ADGRB3: variants seen among roughly 807,000 people sequenced by gnomAD.
ADGRB3 encodes the protein brain-specific angiogenesis inhibitor 3.
In ADGRB3, 37 loss-of-function variants were observed where a neutral mutation model predicts 193.4. That is an observed-to-expected ratio of 0.19 (90% CI 0.15 to 0.25). ADGRB3 has a LOEUF of 0.25. Ranked by LOEUF, ADGRB3 falls within the 10% of genes least tolerant of loss-of-function variation. The probability of loss-of-function intolerance (pLI) is 1.00; values close to 1 mark genes in which losing one functional copy is unlikely to be tolerated. For missense variants in ADGRB3, 1,637 were observed against 1,852.9 expected (o/e 0.88, Z 2.14); for synonymous variants, 690 against 644.2 (o/e 1.07, Z -1.08).
At chr6:68,885,379 G>A (rs1562071294) in intron 3 of ADGRB3, among the ~76,000 whole-genome samples, 1 of 152,030 alleles carries the variant, frequency 6.6e-6, no homozygotes, top group African/African-American at 2.4e-5. Flanking sequence ...AACATATTAT[G>A]TATTTATGGG....
At chr6:69,283,001 GC>G (rs1285566043) in intron 20 of ADGRB3, among the ~76,000 whole-genome samples, 1 of 152,066 alleles carries the variant, frequency 6.6e-6, no homozygotes, top group Non-Finnish European at 1.5e-5. Context: ...AAAGAGATGG[GC>G]CATGAGGAAG....
intron 20 of ADGRB3, among the ~76,000 whole-genome samples, chr6:69,298,023 A>G (rs1420515863): frequency 6.6e-6 from 1 of 152,086 alleles, no homozygotes; most frequent in Non-Finnish European, 1.5e-5. Context: ...TATTAGAGTA[A>G]CATAAAAACG....
At chr6:69,301,011 T>G (rs1582616861) in intron 20 of ADGRB3, among the ~76,000 whole-genome samples, 1 of 151,774 alleles carries the variant, frequency 6.6e-6, no homozygotes, top group East Asian at 1.9e-4. Context: ...TTGAACAACA[T>G]GAGTTGGAAC....
intron 3 of ADGRB3, among the ~76,000 whole-genome samples, chr6:68,908,165 T>A (rs1014155126): frequency 6.6e-6 from 1 of 152,130 alleles, no homozygotes; most frequent in Admixed American, 6.5e-5. Flanking sequence ...TATCTCTTCA[T>A]TGAATTTGCT....
chr6:68,689,988 CT>C (rs1480202400), intron 3 of ADGRB3, among the ~76,000 whole-genome samples: 1 of 152,146 alleles, frequency 6.6e-6, no homozygotes, highest in East Asian at 1.9e-4. Flanking sequence ...CTGGAAACCA[CT>C]TTCTCTTTAG....
At chr6:68,711,552 G>T (rs1398343745) in intron 3 of ADGRB3, among the ~76,000 whole-genome samples, 4 of 152,032 alleles carry the variant, frequency 2.6e-5, no homozygotes, top group Admixed American at 2.0e-4. Flanking sequence ...CTGCATAAAT[G>T]GTCCTCTGCC....
chr6:69,281,838 T>G (rs1024332293), intron 20 of ADGRB3, among the ~76,000 whole-genome samples: 2 of 152,222 alleles, frequency 1.3e-5, no homozygotes, highest in Non-Finnish European at 2.9e-5. Context: ...TAAAATTCAT[T>G]AAACTCAGCA....
At chr6:68,773,374 G>A (rs549010481) in intron 3 of ADGRB3, among the ~76,000 whole-genome samples, 36 of 152,124 alleles carry the variant, frequency 2.4e-4, no homozygotes, top group South Asian at 1.0e-3. Flanking sequence ...GTCCTAAAGA[G>A]CCCCAACTAT....
chr6:69,003,671 T>C (rs1769651780), intron 11 of ADGRB3, among the ~76,000 whole-genome samples: 1 of 152,156 alleles, frequency 6.6e-6, no homozygotes, highest in African/African-American at 2.4e-5. Context: ...TCCTAGATAA[T>C]ATTTAAACCC....
intron 20 of ADGRB3, among the ~76,000 whole-genome samples, chr6:69,306,012 A>T (rs150926544): frequency 1.6e-4 from 25 of 151,526 alleles, no homozygotes; most frequent in Admixed American, 5.3e-4. Context: ...GATGATTTAA[A>T]GTACATGGAA....
chr6:68,740,943 C>G (rs547116088), intron 3 of ADGRB3, among the ~76,000 whole-genome samples: 1 of 152,254 alleles, frequency 6.6e-6, no homozygotes, highest in African/African-American at 2.4e-5. Context: ...CCACCAACTT[C>G]CTGTTTCTCT....
At chr6:69,276,435 C>T (rs1318033197) in intron 20 of ADGRB3, among the ~76,000 whole-genome samples, 1 of 152,144 alleles carries the variant, frequency 6.6e-6, no homozygotes, top group Non-Finnish European at 1.5e-5. Flanking sequence ...CATTCCATAT[C>T]TGAATCAATC....
At chr6:69,344,899 G>A (rs919588181) in intron 26 of ADGRB3, among the ~76,000 whole-genome samples, 1 of 152,120 alleles carries the variant, frequency 6.6e-6, no homozygotes, top group Non-Finnish European at 1.5e-5. Context: ...CCATGGAGTG[G>A]GGCCTGTGGT....
intron 3 of ADGRB3, among the ~76,000 whole-genome samples, chr6:68,757,988 C>T (rs927861591): frequency 2.0e-5 from 3 of 152,030 alleles, no homozygotes; most frequent in Non-Finnish European, 2.9e-5. Context: ...TAGAGTGTGT[C>T]CCTTCCCTGT....
At chr6:69,267,702 G>T (rs1383414313) in intron 20 of ADGRB3, among the ~76,000 whole-genome samples, 1 of 152,074 alleles carries the variant, frequency 6.6e-6, no homozygotes, top group Non-Finnish European at 1.5e-5. Context: ...GGATATCAAA[G>T]TACCTCTTGG....
chr6:69,246,217 C>T (rs929754162), intron 20 of ADGRB3, among the ~76,000 whole-genome samples: 2 of 152,138 alleles, frequency 1.3e-5, no homozygotes, highest in African/African-American at 4.8e-5. Flanking sequence ...TCATTGGAGA[C>T]ATATCCTGCC....
At chr6:68,875,171 T>C (rs553505161) in intron 3 of ADGRB3, among the ~76,000 whole-genome samples, 1 of 99,418 alleles carries the variant, frequency 1.0e-5, no homozygotes, top group African/African-American at 4.0e-5. Flanking sequence ...CTTCCTTCCT[T>C]CCTTCCTTCC....
chr6:69,005,352 CAG>C (rs1475346764), intron 11 of ADGRB3, among the ~76,000 whole-genome samples: 3 of 151,444 alleles, frequency 2.0e-5, no homozygotes, highest in African/African-American at 7.3e-5. Flanking sequence ...AAAGGTAACT[CAG>C]AGGTACTGAG....
chr6:68,692,683 C>G (rs1016262960), intron 3 of ADGRB3, among the ~76,000 whole-genome samples: 2 of 151,700 alleles, frequency 1.3e-5, no homozygotes, highest in African/African-American at 4.8e-5. Flanking sequence ...TAAAATATCC[C>G]TAAGGCTTCC....
Sources: gnomAD v4.1 joint callset for allele counts (sites outside exome capture counted in the v4.1 genomes callset) on GRCh38, gnomAD v4.1.1 for gene constraint, MANE v1.5 for transcripts, NCBI Gene and HGNC (gene_info 2026-07-23, HGNC 2026-07-21) for gene names.